SLC31A1: variants seen among roughly 807,000 people sequenced by gnomAD.
SLC31A1 encodes the protein high affinity copper uptake protein 1.
Under a neutral mutation model 17.2 loss-of-function variants are expected in SLC31A1, and 5 were observed. The observed-to-expected ratio is 0.29, with a 90% confidence interval of 0.15 to 0.61. SLC31A1 has a LOEUF of 0.61. SLC31A1 is among the 20% of genes least tolerant of loss of function. SLC31A1 has a pLI of 0.86. For missense variants in SLC31A1, 161 were observed against 241.4 expected (o/e 0.67, Z 2.21); for synonymous variants, 76 against 78.8 (o/e 0.96, Z 0.19).
rs184182939 is a variant in SLC31A1, at chr9:113,264,395, G to C, written c.*3922G>C. On this transcript the variant is annotated 3_prime_UTR_variant, in exon 5 of 5. Coordinates refer to ENST00000374212, the MANE Select transcript of SLC31A1 (RefSeq NM_001859.4). ...TCTACAATTAATGTTGACTGTTTTA[G>C]ATTGTAAGCTCCTGGAGAGCAGTAT... 6.6e-6 allele frequency: 1 copy of C among 152,632 alleles called. No homozygotes were observed. Among genetic ancestry groups the C allele is most frequent in the African/African-American group, 2.4e-5 (1 of 41,530 alleles). 9.5% of individuals were successfully genotyped at this position (152,632 alleles called of 1,614,324 possible). A position where few individuals can be genotyped will look rare whatever the true frequency, so the allele number is the denominator to read the frequency against.
rs575818825 is a variant in SLC31A1, at chr9:113,234,301, T to C, written c.-36+12623T>C. On this transcript the variant is annotated intron_variant, in intron 1 of 4. Transcript: ENST00000374212. Reference sequence around the variant, plus strand: ...CTGCAACCTCTGCCTCCCGGGTTCCTGAGTAGCTGGGATTATAGGCACCTA... The same window carrying C: ...CTGCAACCTCTGCCTCCCGGGTTCCCGAGTAGCTGGGATTATAGGCACCTA... Among the ~76,000 whole-genome samples the C allele has an allele frequency of 1.8e-3, 275 of 151,756 alleles. 1 individual carries two copies. The highest frequency in any genetic ancestry group is 7.7e-3 in the South Asian group (37 of 4,792).
chr9:113,257,545 C>A (rs1831742839), intron 3 of SLC31A1, among the ~76,000 whole-genome samples: 1 of 137,636 alleles, frequency 7.3e-6, no homozygotes, highest in Non-Finnish European at 1.5e-5. Flanking sequence ...AGTGCAATGG[C>A]AGCTATCTTG....
chr9:113,229,137 C>T (rs10981696), intron 1 of SLC31A1, among the ~76,000 whole-genome samples: 6,287 of 152,266 alleles, frequency 0.041, 178 homozygotes, highest in Middle Eastern at 0.078. Context: ...TGATCCACTG[C>T]GCCTGACTGA....
intron 1 of SLC31A1, among the ~76,000 whole-genome samples, chr9:113,224,497 C>T (rs888025147): frequency 2.6e-5 from 4 of 151,194 alleles, no homozygotes; most frequent in African/African-American, 4.9e-5. Context: ...GGCACAATCT[C>T]GGCTCACCAC....
At chr9:113,226,522 AC>A (rs1831343914) in intron 1 of SLC31A1, among the ~76,000 whole-genome samples, 1 of 152,068 alleles carries the variant, frequency 6.6e-6, no homozygotes, top group African/African-American at 2.4e-5. Flanking sequence ...GATTTAGGTA[AC>A]ATCCCCAAGC....
chr9:113,254,608 T>C lies in SLC31A1; in HGVS notation c.-35-1506T>C, dbSNP rs985085934. Among the ~76,000 whole-genome samples, 13 of 152,188 alleles carry C rather than the reference T, an allele frequency of 8.5e-5. No homozygotes were observed. In the South Asian group the frequency reaches 1.5e-3, roughly 17 times the overall value. ...ACTCCAACTCTAGCTATAGGAGTTA[T>C]TGTTCCTGGGCCGGGCACGGTAGCT... is the stretch of plus-strand genomic sequence containing the variant. On this transcript the variant is annotated intron_variant, in intron 1 of 4. Transcript: ENST00000374212.
rs540460953 is a variant in SLC31A1, at chr9:113,246,327, G to A, written c.-35-9787G>A. The stretch of plus-strand genomic sequence containing the variant: ...CCCAAAGTGCTGGGATTACATGTGT[G>A]AGCCACCATGCCCGGCCATTAAGAT... On this transcript the variant is annotated intron_variant, in intron 1 of 4. Transcript: ENST00000374212. Among the ~76,000 whole-genome samples, 3 of 151,774 alleles carry A rather than the reference G, an allele frequency of 2.0e-5. No individual in the cohort carries two copies. In the South Asian group the frequency reaches 6.2e-4, roughly 32 times the overall value.
chr9:113,243,027 C>T (rs1260133587), intron 1 of SLC31A1, among the ~76,000 whole-genome samples: 2 of 150,560 alleles, frequency 1.3e-5, no homozygotes, highest in East Asian at 1.9e-4. Context: ...GTGTTTTATA[C>T]GCTAGGCTTC....
intron 1 of SLC31A1, among the ~76,000 whole-genome samples, chr9:113,253,446 C>T (rs1036550374): frequency 4.0e-5 from 6 of 151,712 alleles, no homozygotes; most frequent in Non-Finnish European, 7.4e-5. Context: ...TTAGTGTTTA[C>T]TCTAAAAACA....
At position 113,260,977 on chromosome 9, in the gene SLC31A1, A is replaced by G. The variant is rs1831786593; in HGVS notation, c.*504A>G. ...AACTTAACATTAGAAAATAAGGTCCAGGGCCGGACACAGTGGCCCATGCCT... is the reference window on the plus strand; with the variant it reads ...AACTTAACATTAGAAAATAAGGTCCGGGGCCGGACACAGTGGCCCATGCCT... On this transcript the variant is annotated 3_prime_UTR_variant, in exon 5 of 5. Coordinates refer to ENST00000374212, the MANE Select transcript of SLC31A1 (RefSeq NM_001859.4). 3.9e-6 allele frequency: 1 copy of G among 257,428 alleles called. No individual in the cohort carries two copies. The highest frequency in any genetic ancestry group is 7.6e-6 in the Non-Finnish European group (1 of 131,540). The allele number at this position is 257,428 out of a possible 1,614,324, so 15.9% of individuals were successfully genotyped here.
At chr9:113,256,051 TA>T (rs938686136) in intron 1 of SLC31A1, 62 bp from the exon 2 acceptor site, 50 of 1,257,192 alleles carry the variant, frequency 4.0e-5, no homozygotes, top group South Asian at 7.3e-5. Flanking sequence ...TCTCTAAAAA[TA>T]AAAAAAAGAG....
In SLC31A1 at chr9:113,256,245, C is replaced by A; in HGVS notation, c.97C>A (p.His33Asn). ...HHPTTSASHS[H>N]GGGDSSMMMM... is the part of the protein sequence containing the mutation. ...CCCAACCACTTCAGCCTCACACTCC[C>A]ATGGTGGAGGAGACAGCAGCATGAT... The change falls in exon 2 of 5, where the codon CAT (histidine) becomes AAT (asparagine). Residue 33 changes from histidine (H) to asparagine (N), a missense_variant. His to Asn is a moderately conservative substitution (Grantham distance 68). Coordinates refer to ENST00000374212, the MANE Select transcript of SLC31A1 (RefSeq NM_001859.4). The A allele has an allele frequency of 6.2e-7, 1 of 1,614,032 alleles. No homozygotes were observed. Among genetic ancestry groups the A allele is most frequent in the African/African-American group, 1.3e-5 (1 of 75,022 alleles).
chr9:113,251,544 A>G (rs750815914), intron 1 of SLC31A1, among the ~76,000 whole-genome samples: 13 of 152,246 alleles, frequency 8.5e-5, no homozygotes, highest in Non-Finnish European at 1.3e-4. Flanking sequence ...GATTAAAGCT[A>G]CCAAAGGAAA....
intron 1 of SLC31A1, among the ~76,000 whole-genome samples, chr9:113,243,018 T>C (rs990394471): frequency 1.8e-4 from 28 of 152,056 alleles, no homozygotes; most frequent in Admixed American, 3.9e-4. Context: ...AAGAGCTTTG[T>C]GTTTTATACG....
chr9:113,264,466 A>G lies in SLC31A1; in HGVS notation c.*3993A>G, dbSNP rs1173702877. 6.6e-6 allele frequency: 1 copy of G among 152,624 alleles called. No homozygotes were observed. The highest frequency in any genetic ancestry group is 2.4e-5 in the African/African-American group (1 of 41,454). 9.5% of individuals were successfully genotyped at this position (152,624 alleles called of 1,614,324 possible). A position where few individuals can be genotyped will look rare whatever the true frequency, so the allele number is the denominator to read the frequency against. ...AACAGTGTCATATGAAAAAGAACAA[A>G]ATAAATATTTTGATTTTGTGATTCT... On this transcript the variant is annotated 3_prime_UTR_variant, in exon 5 of 5. Transcript: ENST00000374212.
intron 1 of SLC31A1, among the ~76,000 whole-genome samples, chr9:113,247,780 A>G (rs1271888924): frequency 1.3e-5 from 2 of 152,226 alleles, no homozygotes; most frequent in African/African-American, 4.8e-5. Flanking sequence ...GCTCTTCAAC[A>G]GTCAATATAG....
In SLC31A1 at chr9:113,261,979, G is replaced by A. The variant is rs1471393277; in HGVS notation, c.*1506G>A. The A allele has an allele frequency of 6.6e-6, 1 of 152,660 alleles. No homozygotes were observed. The highest frequency in any genetic ancestry group is 1.5e-5 in the Non-Finnish European group (1 of 68,042). 9.5% of individuals were successfully genotyped at this position (152,660 alleles called of 1,614,324 possible). On this transcript the variant is annotated 3_prime_UTR_variant, in exon 5 of 5. Coordinates refer to ENST00000374212, the MANE Select transcript of SLC31A1 (RefSeq NM_001859.4). ...TATGTGTACCCAAGCACACATGTGT[G>A]AAGGGCTATAGCCAAAGTATTTTTA...
chr9:113,233,500 C>T (rs10981698), intron 1 of SLC31A1, among the ~76,000 whole-genome samples: 49,198 of 151,996 alleles, frequency 0.32, 8,095 homozygotes, highest in African/African-American at 0.35. Flanking sequence ...TAGTTCAATC[C>T]CTGTATTTCA....
intron 1 of SLC31A1, among the ~76,000 whole-genome samples, chr9:113,254,080 G>A (rs953604540): frequency 2.7e-5 from 4 of 145,766 alleles, no homozygotes; most frequent in African/African-American, 5.1e-5. Context: ...TCAGCCACCC[G>A]AGTAACTGGG....
Sources: allele counts gnomAD v4.1 joint callset (sites outside exome capture counted in the v4.1 genomes callset), GRCh38; gene constraint gnomAD v4.1.1; transcripts MANE v1.5; gene names NCBI Gene and HGNC (gene_info 2026-07-23, HGNC 2026-07-21).